Variants in GRIK1 observed in about 807,000 individuals in gnomAD.
GRIK1 encodes glutamate receptor ionotropic, kainate 1.
A neutral mutation model predicts 105.7 loss-of-function variants in GRIK1; 69 were observed. That is an observed-to-expected ratio of 0.65 (90% CI 0.54 to 0.80). The LOEUF (loss-of-function observed/expected upper bound fraction) is 0.80, where lower values mean the gene tolerates loss of function less well. Ranked by LOEUF, GRIK1 falls within the 30% of genes least tolerant of loss-of-function variation. The pLI is 0.00. For synonymous variants in GRIK1, 438 were observed against 431.3 expected, an observed-to-expected ratio of 1.02 and a Z score of -0.19; for missense variants, 1,109 against 1,167.3, an observed-to-expected ratio of 0.95 and a Z score of 0.73.
intron 11 of GRIK1, among the ~76,000 whole-genome samples, chr21:29,587,886 AAAAG>A (rs2091164553): frequency 6.6e-6 from 1 of 151,936 alleles, no homozygotes; most frequent in Non-Finnish European, 1.5e-5. Context: ...GCATGTGAGA[AAAAG>A]AAGGAATGAG....
At chr21:29,560,286 T>TCTTTCTTTCTTTCTTTCTTTC (rs2090363037) in intron 15 of GRIK1, among the ~76,000 whole-genome samples, 1 of 59,022 alleles carries the variant, frequency 1.7e-5, no homozygotes, top group African/African-American at 7.9e-5. Flanking sequence ...CAGTTTTCTT[T>TCTTTCTTTCTTTCTTTCTTTC]CTTTCTTTCT....
At chr21:29,773,201 G>T (rs192528195) in intron 1 of GRIK1, among the ~76,000 whole-genome samples, 218 of 152,286 alleles carry the variant, frequency 1.4e-3, no homozygotes, top group African/African-American at 5.2e-3. Flanking sequence ...CGTCTGCTTT[G>T]TATCAGTGTA....
chr21:29,663,660 A>G (rs2063008848), intron 4 of GRIK1, among the ~76,000 whole-genome samples: 1 of 152,192 alleles, frequency 6.6e-6, no homozygotes, highest in Admixed American at 6.5e-5. Flanking sequence ...CTAAAAGGGT[A>G]TATTAGACAT....
chr21:29,865,338 T>G (rs74732670), intron 1 of GRIK1, among the ~76,000 whole-genome samples: 1,975 of 152,332 alleles, frequency 0.013, 46 homozygotes, highest in African/African-American at 0.044. Flanking sequence ...TTTCTGGGCC[T>G]CTATTCATTT....
intron 1 of GRIK1, among the ~76,000 whole-genome samples, chr21:29,738,436 G>T (rs1010563793): frequency 6.6e-6 from 1 of 152,190 alleles, no homozygotes; most frequent in African/African-American, 2.4e-5. Flanking sequence ...AAATCTTTTT[G>T]CAGTCACTTG....
intron 7 of GRIK1, among the ~76,000 whole-genome samples, chr21:29,627,944 T>A (rs1294930169): frequency 1.3e-5 from 2 of 152,236 alleles, no homozygotes; most frequent in Non-Finnish European, 2.9e-5. Context: ...TACTTAGTCC[T>A]GACTTTTGAA....
chr21:29,576,954 A>C lies in GRIK1; in HGVS notation c.2130+10T>G. ...AGATAATCACTGAGAACACTTTGTC[A>C]GCTTCTTACCTTGAAGAAGGTCATT... On this transcript the variant is annotated intron_variant, in intron 14 of 17. Transcript: ENST00000327783. 6.7e-7 allele frequency: 1 copy of C among 1,491,268 alleles called. No individual in the cohort carries two copies. 92.4% of individuals were successfully genotyped at this position (1,491,268 alleles called of 1,614,324 possible). A position where few individuals can be genotyped will look rare whatever the true frequency, so the allele number is the denominator to read the frequency against.
chr21:29,584,814 G>A (rs1455043773), intron 12 of GRIK1, among the ~76,000 whole-genome samples: 1 of 152,248 alleles, frequency 6.6e-6, no homozygotes, highest in Admixed American at 6.5e-5. Flanking sequence ...ACAGAGTGAC[G>A]GAGTTCATGG....
chr21:29,605,319 T>C (rs1242967799), intron 7 of GRIK1, among the ~76,000 whole-genome samples: 2 of 152,204 alleles, frequency 1.3e-5, no homozygotes, highest in Non-Finnish European at 2.9e-5. Flanking sequence ...ATGCGGTGTT[T>C]GGGTTTCTGT....
intron 1 of GRIK1, among the ~76,000 whole-genome samples, chr21:29,850,503 C>T (rs546914661): frequency 6.6e-6 from 1 of 152,156 alleles, no homozygotes; most frequent in African/African-American, 2.4e-5. Context: ...CACTCCTATT[C>T]AAAGCAACAA....
intron 7 of GRIK1, among the ~76,000 whole-genome samples, chr21:29,612,668 T>TG (rs1171734100): frequency 1.3e-5 from 2 of 152,194 alleles, no homozygotes; most frequent in Non-Finnish European, 2.9e-5. Flanking sequence ...ACTTTGTGAT[T>TG]TGAAAAGCTG....
At chr21:29,538,802 A>G (rs756906445) in intron 16 of GRIK1, among the ~76,000 whole-genome samples, 2 of 152,170 alleles carry the variant, frequency 1.3e-5, no homozygotes, top group African/African-American at 4.8e-5. Context: ...AGCATGCAAC[A>G]TGTGTATTTG....
chr21:29,911,344 T>C (rs461290), intron 1 of GRIK1, among the ~76,000 whole-genome samples: 45,834 of 151,872 alleles, frequency 0.3, 10,025 homozygotes, highest in African/African-American at 0.62. Flanking sequence ...GCTGATTTTA[T>C]GCTTCAAAAT....
chr21:29,780,239 T>C (rs1479761450), intron 1 of GRIK1, among the ~76,000 whole-genome samples: 1 of 152,218 alleles, frequency 6.6e-6, no homozygotes, highest in East Asian at 1.9e-4. Flanking sequence ...GGGACTATTA[T>C]TTTGAACCAC....
At chr21:29,826,137 C>T (rs933995488) in intron 1 of GRIK1, among the ~76,000 whole-genome samples, 1 of 152,054 alleles carries the variant, frequency 6.6e-6, no homozygotes, top group African/African-American at 2.4e-5. Context: ...TCCTGGGTGA[C>T]GATCTGTATA....
At chr21:29,580,463 G>A (rs2091003086) in intron 13 of GRIK1, among the ~76,000 whole-genome samples, 1 of 142,494 alleles carries the variant, frequency 7.0e-6, no homozygotes, top group Non-Finnish European at 1.5e-5. Flanking sequence ...TACTATTTCA[G>A]TATTATAATT....
At chr21:29,712,111 CACACACACACACAT>C (rs1213955706) in intron 1 of GRIK1, among the ~76,000 whole-genome samples, 1 of 147,830 alleles carries the variant, frequency 6.8e-6, no homozygotes, top group East Asian at 2.1e-4. Flanking sequence ...CACACACACA[CACACACACACACAT>C]ATATATAGGT....
chr21:29,770,432 T>C (rs2065785895), intron 1 of GRIK1, among the ~76,000 whole-genome samples: 1 of 152,184 alleles, frequency 6.6e-6, no homozygotes, highest in South Asian at 2.1e-4. Context: ...ACAATGACCC[T>C]TGTCAGCACT....
chr21:29,839,343 C>A (rs1345564319), intron 1 of GRIK1, among the ~76,000 whole-genome samples: 1 of 152,142 alleles, frequency 6.6e-6, no homozygotes, highest in African/African-American at 2.4e-5. Flanking sequence ...AGCCACCATG[C>A]CTGGCCAGGG....
Sources: gnomAD v4.1 joint callset for allele counts (sites outside exome capture counted in the v4.1 genomes callset) on GRCh38, gnomAD v4.1.1 for gene constraint, MANE v1.5 for transcripts, NCBI Gene and HGNC (gene_info 2026-07-23, HGNC 2026-07-21) for gene names.